UNC13C: variants seen among roughly 807,000 people sequenced by gnomAD.
UNC13C encodes protein unc-13 homolog C.
Under a neutral mutation model 245.4 loss-of-function variants are expected in UNC13C, and 174 were observed. The observed-to-expected ratio is 0.71, with a 90% CI of 0.63 to 0.80. The LOEUF is 0.80. UNC13C is among the 30% of genes least tolerant of loss of function. UNC13C has a pLI of 0.00. For missense variants in UNC13C, 2,829 were observed against 2,602.9 expected (o/e 1.09, Z -1.89); for synonymous variants, 992 against 895.1 (o/e 1.11, Z -1.93).
chr15:54,073,752 A>C (rs770543015), intron 2 of UNC13C, among the ~76,000 whole-genome samples: 1 of 152,028 alleles, frequency 6.6e-6, no homozygotes, highest in Admixed American at 6.6e-5. Flanking sequence ...AAATTTGTTT[A>C]AGTTCTTTGT....
chr15:54,028,733 C>T (rs1896229202), intron 2 of UNC13C, among the ~76,000 whole-genome samples: 1 of 125,716 alleles, frequency 8.0e-6, no homozygotes, highest in African/African-American at 3.1e-5. Flanking sequence ...TGTTGTCATC[C>T]AGGCTGGAGT....
Position 54,594,899 on chromosome 15 carries a change from G to A in UNC13C, c.6106+26952G>A, listed in dbSNP as rs964701391. Among the ~76,000 whole-genome samples, 92 of 152,238 alleles carry A rather than the reference G, an allele frequency of 6.0e-4. 1 individual carries two copies. The highest frequency in any genetic ancestry group is 2.0e-3 in the African/African-American group (83 of 41,460). ...AAGTATCCAAAAGGCGGGTCCAGGG[G>A]ACCGGAGCATCGGAGGCTTGCTCAC... On this transcript the variant is annotated intron_variant, in intron 30 of 32. Coordinates refer to ENST00000260323, the MANE Select transcript of UNC13C (RefSeq NM_001080534.3).
intron 7 of UNC13C, among the ~76,000 whole-genome samples, chr15:54,249,407 A>G (rs1170610266): frequency 6.6e-6 from 1 of 152,216 alleles, no homozygotes; most frequent in East Asian, 1.9e-4. Flanking sequence ...TCCGTAGATT[A>G]CAAGATTCAT....
intron 17 of UNC13C, among the ~76,000 whole-genome samples, chr15:54,365,241 T>C (rs1311995587): frequency 1.3e-5 from 2 of 152,162 alleles, no homozygotes; most frequent in Non-Finnish European, 2.9e-5. Flanking sequence ...CTTCCCCTTC[T>C]GGCCAGCTGG....
the UNC13C span, among the ~76,000 whole-genome samples, chr15:53,918,444 T>C: frequency 6.6e-6 from 1 of 152,176 alleles, no homozygotes. Context: ...TGAAAAATAG[T>C]AGTAATTTAA....
intron 2 of UNC13C, among the ~76,000 whole-genome samples, chr15:54,059,262 A>G (rs1465247614): frequency 6.6e-6 from 1 of 152,238 alleles, no homozygotes; most frequent in Non-Finnish European, 1.5e-5. Flanking sequence ...CAGCTTCAGC[A>G]AAGCCTCAGG....
At chr15:54,062,205 G>A (rs998693773) in intron 2 of UNC13C, among the ~76,000 whole-genome samples, 1 of 151,878 alleles carries the variant, frequency 6.6e-6, no homozygotes, top group Non-Finnish European at 1.5e-5. Flanking sequence ...TGTAATCCCA[G>A]CTACTCGGGA....
the UNC13C span, among the ~76,000 whole-genome samples, chr15:53,932,283 T>G: frequency 6.7e-6 from 1 of 150,014 alleles, no homozygotes; most frequent in Non-Finnish European, 1.5e-5. Context: ...CACTCCAGCC[T>G]GGCAACAGTG....
intron 19 of UNC13C, among the ~76,000 whole-genome samples, chr15:54,462,075 A>T (rs1015595098): frequency 3.3e-5 from 5 of 152,202 alleles, no homozygotes; most frequent in Admixed American, 3.3e-4. Context: ...GGATACAAGC[A>T]CAAAATAGAT....
intron 4 of UNC13C, among the ~76,000 whole-genome samples, chr15:54,153,377 A>G (rs1483214677): frequency 6.6e-6 from 1 of 152,108 alleles, no homozygotes; most frequent in Non-Finnish European, 1.5e-5. Context: ...ATATCTGAGC[A>G]TTCTTTAGCA....
the UNC13C span, among the ~76,000 whole-genome samples, chr15:53,918,043 C>T: frequency 6.6e-6 from 1 of 152,170 alleles, no homozygotes. Context: ...ATTGAGAATG[C>T]TTGTATAATA....
intron 30 of UNC13C, among the ~76,000 whole-genome samples, chr15:54,610,754 A>G (rs1900045576): frequency 6.6e-6 from 1 of 152,192 alleles, no homozygotes; most frequent in African/African-American, 2.4e-5. Context: ...ACTCAAGGTC[A>G]TCTAGCTGAT....
chr15:54,116,028 A>T (rs539674664), intron 2 of UNC13C, among the ~76,000 whole-genome samples: 1 of 152,162 alleles, frequency 6.6e-6, no homozygotes, highest in South Asian at 2.1e-4. Context: ...ATACATATAA[A>T]ATTTACCATC....
At chr15:53,890,711 T>G in the UNC13C span, among the ~76,000 whole-genome samples, 1 of 151,984 alleles carries the variant, frequency 6.6e-6, no homozygotes, top group Non-Finnish European at 1.5e-5. Flanking sequence ...AGTGGTGATA[T>G]CCCTTTTATC....
intron 4 of UNC13C, among the ~76,000 whole-genome samples, chr15:54,144,832 C>T (rs947276200): frequency 6.6e-6 from 1 of 151,856 alleles, no homozygotes; most frequent in African/African-American, 2.4e-5. Context: ...GTAAATATAT[C>T]ACAATAGATT....
chr15:54,576,677 C>T (rs986212238), intron 30 of UNC13C, among the ~76,000 whole-genome samples: 1 of 152,296 alleles, frequency 6.6e-6, no homozygotes, highest in South Asian at 2.1e-4. Context: ...ACCTGTAGGA[C>T]ATTGCTGCAT....
At chr15:54,219,131 G>A (rs900600344) in intron 4 of UNC13C, among the ~76,000 whole-genome samples, 12 of 150,968 alleles carry the variant, frequency 7.9e-5, no homozygotes, top group Admixed American at 4.6e-4. Flanking sequence ...AAAAGAGACC[G>A]CATTGCCAAG....
chr15:54,278,327 G>A (rs1393510640), intron 10 of UNC13C, among the ~76,000 whole-genome samples: 2 of 152,072 alleles, frequency 1.3e-5, no homozygotes, highest in Admixed American at 6.6e-5. Context: ...AGAGTCACAT[G>A]TCAGGTTAAT....
intron 19 of UNC13C, among the ~76,000 whole-genome samples, chr15:54,465,740 GATAC>G (rs1226883773): frequency 2.6e-5 from 4 of 151,940 alleles, no homozygotes; most frequent in Non-Finnish European, 5.9e-5. Flanking sequence ...CAGGATTGGG[GATAC>G]ATAATGAGGA....
Sources: gnomAD v4.1 joint callset for allele counts (sites outside exome capture counted in the v4.1 genomes callset) on GRCh38, gnomAD v4.1.1 for gene constraint, MANE v1.5 for transcripts, NCBI Gene and HGNC (gene_info 2026-07-23, HGNC 2026-07-21) for gene names.